SPEF2: variants seen among roughly 807,000 people sequenced by gnomAD.
The protein encoded by SPEF2 is sperm flagellar and cilia associated 2.
Under a neutral mutation model 224.6 loss-of-function variants are expected in SPEF2, and 187 were observed. That is an observed-to-expected ratio of 0.83 (90% CI 0.74 to 0.94). The LOEUF is 0.94. SPEF2 is among the 40% of genes least tolerant of loss of function. The pLI, the probability that SPEF2 is intolerant of heterozygous loss-of-function variation, is 0.00. For missense variants in SPEF2, 2,170 were observed against 2,135.6 expected, an observed-to-expected ratio of 1.02 and a Z score of -0.32; for synonymous variants, 715 against 707.3, an observed-to-expected ratio of 1.01 and a Z score of -0.17.
At chr5:35,626,334 T>C (rs756144604) in intron 1 of SPEF2, among the ~76,000 whole-genome samples, 14 of 152,206 alleles carry the variant, frequency 9.2e-5, no homozygotes, top group Non-Finnish European at 1.8e-4. Context: ...CTGCCCTGAA[T>C]AGTTTTAAAA....
At chr5:35,686,869 T>C (rs965812277) in intron 10 of SPEF2, among the ~76,000 whole-genome samples, 9 of 152,252 alleles carry the variant, frequency 5.9e-5, no homozygotes, top group Admixed American at 5.2e-4. Context: ...AATATATATG[T>C]ATATACACAT....
At chr5:35,691,623 G>A (rs1445586883) in intron 11 of SPEF2, among the ~76,000 whole-genome samples, 1 of 152,174 alleles carries the variant, frequency 6.6e-6, no homozygotes, top group Non-Finnish European at 1.5e-5. Flanking sequence ...AGTGACAGCA[G>A]TTGATTTAGG....
intron 30 of SPEF2, among the ~76,000 whole-genome samples, chr5:35,783,574 A>G (rs773471321): frequency 4.6e-5 from 7 of 152,196 alleles, no homozygotes; most frequent in Non-Finnish European, 7.3e-5. Flanking sequence ...AAAGTATTCT[A>G]TTATCCAAAA....
intron 34 of SPEF2, among the ~76,000 whole-genome samples, chr5:35,800,425 A>G (rs1757266543): frequency 6.6e-6 from 1 of 152,178 alleles, no homozygotes; most frequent in Non-Finnish European, 1.5e-5. Context: ...TTTATTTGGC[A>G]TGAGTGCTGA....
chr5:35,677,342 A>C (rs1469678278), intron 10 of SPEF2, among the ~76,000 whole-genome samples: 3 of 152,194 alleles, frequency 2.0e-5, no homozygotes, highest in African/African-American at 7.2e-5. Flanking sequence ...TAAATAAAGC[A>C]TAGTTTAAGC....
Position 35,683,674 on chromosome 5 carries a change from T to C in SPEF2, c.1525-7363T>C, listed in dbSNP as rs915832753. On this transcript the variant is annotated intron_variant, in intron 10 of 36. Coordinates refer to ENST00000356031, the MANE Select transcript of SPEF2 (RefSeq NM_024867.4). ...AGTGCTAGTGAACAGGTTGTGACTT[T>C]TGACCACGGGCAGAGTCTATTTCCT... is the stretch of plus-strand genomic sequence containing the variant. 3.3e-5 allele frequency among the ~76,000 whole-genome samples: 5 copies of C among 152,180 alleles called. No homozygotes were observed. The South Asian group carries it at 1.0e-3, about 32-fold the overall frequency.
chr5:35,654,796 A>C, intron 7 of SPEF2, 70 bp downstream of exon 7: 1 of 1,362,916 alleles, frequency 7.3e-7, no homozygotes, highest in Non-Finnish European at 9.9e-7. Flanking sequence ...CTATACACAT[A>C]ATATGTAGTT....
At chr5:35,727,868 T>C in intron 21 of SPEF2, 45 bp downstream of exon 21, 1 of 1,588,912 alleles carries the variant, frequency 6.3e-7, no homozygotes, top group Non-Finnish European at 8.6e-7. Context: ...TTCTTTCTCC[T>C]GCATATAGTA....
chr5:35,630,552 C>T (rs1399243167), intron 2 of SPEF2, among the ~76,000 whole-genome samples: 4 of 152,002 alleles, frequency 2.6e-5, no homozygotes, highest in Non-Finnish European at 5.9e-5. Context: ...AAAAATTAGC[C>T]GGGCATGGTG....
At chr5:35,722,538 G>T (rs1490461830) in intron 20 of SPEF2, among the ~76,000 whole-genome samples, 6 of 148,752 alleles carry the variant, frequency 4.0e-5, no homozygotes, top group Non-Finnish European at 7.4e-5. Context: ...CATTATGCAG[G>T]TTAGTTACAT....
At chr5:35,787,559 C>T (rs1047343622) in intron 30 of SPEF2, among the ~76,000 whole-genome samples, 6 of 152,088 alleles carry the variant, frequency 3.9e-5, no homozygotes, top group Non-Finnish European at 7.4e-5. Flanking sequence ...GGTGTAACTC[C>T]GCTCCACCAC....
rs567685883 is a variant in SPEF2, at chr5:35,697,778, T to C, written c.2126T>C (p.Ile709Thr). Residue 709 changes from isoleucine to threonine, a missense_variant, in exon 15 of 37, where the codon ATA becomes ACA. By Grantham distance (89) the Ile-to-Thr change is moderately conservative. Transcript: ENST00000356031. ...CCTGATGTGCTGCTTGTTGACATCA[T>C]AGTAAATGCTATTAAGTATGTATTG... is the stretch of plus-strand genomic sequence containing the variant. ...SIPDVLLVDIIVNAINEIPVN... is the reference protein window; with the variant it reads ...SIPDVLLVDITVNAINEIPVN... 2 of 1,611,414 alleles carry C rather than the reference T, an allele frequency of 1.2e-6. No homozygotes were observed. The highest frequency in any genetic ancestry group is 1.3e-5 in the African/African-American group (1 of 74,950).
At chr5:35,744,753 AAAAAAC>A (rs1748207222) in intron 23 of SPEF2, among the ~76,000 whole-genome samples, 1 of 152,112 alleles carries the variant, frequency 6.6e-6, no homozygotes, top group South Asian at 2.1e-4. Flanking sequence ...GACTCTGTCT[AAAAAAC>A]AAACAAACAA....
At chr5:35,726,967 G>A (rs762344001) in intron 20 of SPEF2, among the ~76,000 whole-genome samples, 4 of 139,144 alleles carry the variant, frequency 2.9e-5, no homozygotes, top group Admixed American at 1.6e-4. Flanking sequence ...CCTCTTTCTC[G>A]TTTTCTTCCC....
At position 35,697,685 on chromosome 5, in the gene SPEF2, C is replaced by T. The variant is rs771240242; in HGVS notation, c.2038-5C>T. The T allele has an allele frequency of 1.3e-5, 21 of 1,605,376 alleles. No homozygotes were observed. In the Admixed American group the frequency reaches 3.1e-4, roughly 24 times the overall value. ...TCTTCTGTCATTTCTTGTTTATTTT[C>T]CCAGCTCACTACACGTGCTCAGCTT... On this transcript the variant is annotated splice_polypyrimidine_tract_variant and splice_region_variant and intron_variant, in intron 14 of 36. Transcript: ENST00000356031.
At chr5:35,753,806 C>A in intron 24 of SPEF2, 45 bp downstream of exon 24, 1 of 1,610,502 alleles carries the variant, frequency 6.2e-7, no homozygotes, top group Non-Finnish European at 8.5e-7. Flanking sequence ...CCCTTCACAG[C>A]CTCATTCCTC....
chr5:35,713,772 A>AT (rs1312186917), intron 20 of SPEF2, among the ~76,000 whole-genome samples: 165 of 94,510 alleles, frequency 1.7e-3, no homozygotes, highest in East Asian at 6.7e-3. Flanking sequence ...TATATATAGT[A>AT]TATATATTAT....
At position 35,643,529 on chromosome 5, in the gene SPEF2, G is replaced by GA. The variant is rs1191938147; in HGVS notation, c.415-821dup. ...GAGACTGGGGCCACTTATCAGTTGA[G>GA]AAAAAGAGTCAGTGGCAGGAGAGAT... On this transcript the variant is annotated intron_variant, in intron 3 of 36. Transcript: ENST00000356031. 8.8e-6 allele frequency: 4 copies of GA among 455,884 alleles called. No individual in the cohort carries two copies. In the Admixed American group the frequency reaches 9.4e-5, roughly 11 times the overall value. The allele number at this position is 455,884 out of a possible 1,614,324, so 28.2% of individuals were successfully genotyped here. A position where few individuals can be genotyped will look rare whatever the true frequency, so the allele number is the denominator to read the frequency against.
intron 6 of SPEF2, among the ~76,000 whole-genome samples, chr5:35,651,070 C>A (rs1748123675): frequency 6.6e-6 from 1 of 152,192 alleles, no homozygotes; most frequent in Non-Finnish European, 1.5e-5. Context: ...TTCCAGATAT[C>A]AGGAAGGAAG....
Sources: allele counts gnomAD v4.1 joint callset (sites outside exome capture counted in the v4.1 genomes callset), GRCh38; gene constraint gnomAD v4.1.1; transcripts MANE v1.5; gene names NCBI Gene and HGNC (gene_info 2026-07-23, HGNC 2026-07-21).